Variants in ULBP3 observed in about 807,000 individuals in gnomAD.
The protein encoded by ULBP3 is UL16-binding protein 3.
Under a neutral mutation model 24.9 loss-of-function variants are expected in ULBP3, and 25 were observed. The ratio of observed to expected loss-of-function variants is 1.00; its 90% CI spans 0.73 to 1.40. ULBP3 has a LOEUF of 1.40. Ranked by LOEUF, ULBP3 falls within the 40% of genes most tolerant of loss-of-function variation. The pLI is 0.00. For missense variants in ULBP3, 306 were observed against 307.5 expected, an observed-to-expected ratio of 1.00 and a Z score of 0.04; for synonymous variants, 114 against 114.7, an observed-to-expected ratio of 0.99 and a Z score of 0.04.
intron 1 of ULBP3, among the ~76,000 whole-genome samples, chr6:150,068,672 A>C (rs1001644508): frequency 1.3e-5 from 2 of 152,140 alleles, no homozygotes; most frequent in Admixed American, 1.3e-4. Context: ...CTTCCCGAGG[A>C]CGAGTGGGGC....
rs911424400 is a variant in ULBP3 at position 150,061,304 on chromosome 6, C to T, written c.*2070G>A. Among the ~76,000 whole-genome samples the T allele has an allele frequency of 2.0e-5, 3 of 152,140 alleles. No individual in the cohort carries two copies. The highest frequency in any genetic ancestry group is 2.9e-5 in the Non-Finnish European group (2 of 68,018). Reference sequence around the variant, plus strand: ...TATTATAGATTAAAGGGTACACATACAGGTTTGTTACATGGGTAGATTTTG... The same window carrying T: ...TATTATAGATTAAAGGGTACACATATAGGTTTGTTACATGGGTAGATTTTG... On this transcript the variant is annotated 3_prime_UTR_variant, in exon 5 of 5. Transcript: ENST00000367339.
chr6:150,064,533 T>C, intron 4 of ULBP3, 52 bp downstream of exon 4: 1 of 1,529,400 alleles, frequency 6.5e-7, no homozygotes, highest in Non-Finnish European at 9.0e-7. Flanking sequence ...TTTCCCTTCC[T>C]CCCACCTCAC....
In ULBP3 at chr6:150,068,861, G is replaced by C. The variant is rs1776386520; in HGVS notation, c.88+118C>G. ...CAGCGAATCGGAACTGAGCGTGGGG[G>C]CAGTCCGGGGAGATCGCGCCGGTCC... On this transcript the variant is annotated intron_variant, in intron 1 of 4. Transcript: ENST00000367339. 3 of 1,054,554 alleles carry C rather than the reference G, an allele frequency of 2.8e-6. No individual in the cohort carries two copies. In the East Asian group the frequency reaches 8.5e-5, roughly 30 times the overall value. 65.3% of individuals were successfully genotyped at this position (1,054,554 alleles called of 1,614,324 possible). A position where few individuals can be genotyped will look rare whatever the true frequency, so the allele number is the denominator to read the frequency against.
intron 1 of ULBP3, 97 bp downstream of exon 1, chr6:150,068,882 G>A (rs767033693): frequency 2.3e-6 from 3 of 1,282,542 alleles, no homozygotes; most frequent in Non-Finnish European, 3.1e-6. Flanking sequence ...AGATCGCGCC[G>A]GTCCTTCTAG....
rs1776270058 is a variant in ULBP3, at chr6:150,061,142, T to G, written c.*2232A>C. Among the ~76,000 whole-genome samples, 1 of 152,222 alleles carries G rather than the reference T, an allele frequency of 6.6e-6. No individual in the cohort carries two copies. The highest frequency in any genetic ancestry group is 2.4e-5 in the African/African-American group (1 of 41,446). Reference sequence around the variant, plus strand: ...ATCATCATATACAACTTACGATTATTTTAAATGACTAGAGTTTAGTTTTTG... The same window carrying G: ...ATCATCATATACAACTTACGATTATGTTAAATGACTAGAGTTTAGTTTTTG... On this transcript the variant is annotated 3_prime_UTR_variant, in exon 5 of 5. Transcript: ENST00000367339.
chr6:150,068,705 C>G (rs1294571850), intron 1 of ULBP3, among the ~76,000 whole-genome samples: 2 of 152,184 alleles, frequency 1.3e-5, no homozygotes, highest in Admixed American at 1.3e-4. Flanking sequence ...CCAGGGATCC[C>G]CTCCCCACCT....
At position 150,065,940 on chromosome 6, in the gene ULBP3, A is replaced by G. The variant is rs1247315196; in HGVS notation, c.311T>C (p.Leu104Pro). ...MLREVGQRLR[L>P]ELADTELEDF... is the part of the protein sequence containing the mutation. ...CTCCAGCTCAGTGTCAGCCAGTTCCAGTCTGAGCCTCTGCCCCACCTCTCT... is the reference window on the plus strand; with the variant it reads ...CTCCAGCTCAGTGTCAGCCAGTTCCGGTCTGAGCCTCTGCCCCACCTCTCT... The change falls in exon 2 of 5, where the codon CTG (leucine) becomes CCG (proline). Residue 104 changes from leucine (L) to proline (P), a missense_variant. Physicochemically the swap from Leu to Pro is moderately conservative, Grantham distance 98. Coordinates refer to ENST00000367339, the MANE Select transcript of ULBP3 (RefSeq NM_024518.3). 6.2e-7 allele frequency: 1 copy of G among 1,614,072 alleles called. No homozygotes were observed. The highest frequency in any genetic ancestry group is 8.5e-7 in the Non-Finnish European group (1 of 1,180,040).
In ULBP3 at chr6:150,066,082, C is replaced by A; in HGVS notation, c.169G>T (p.Val57Leu). ...TAGGAGAGAAAATTCTTCTGATCCA[C>A]CTGGCTCTGGACCTCACACCACTGT... is the stretch of plus-strand genomic sequence containing the variant. ...GQQWCEVQSQVDQKNFLSYDC... is the reference protein window; with the variant it reads ...GQQWCEVQSQLDQKNFLSYDC... The change falls in exon 2 of 5, where the codon GTG (valine) becomes TTG (leucine). Residue 57 changes from valine to leucine, a missense_variant. Physicochemically the swap from Val to Leu is conservative, Grantham distance 32. Coordinates refer to ENST00000367339, the MANE Select transcript of ULBP3 (RefSeq NM_024518.3). 1 of 1,614,230 alleles carries A rather than the reference C, an allele frequency of 6.2e-7. No homozygotes were observed. Among genetic ancestry groups the A allele is most frequent in the Non-Finnish European group, 8.5e-7 (1 of 1,180,056 alleles).
chr6:150,067,992 T>G (rs73779782), intron 1 of ULBP3, among the ~76,000 whole-genome samples: 2,247 of 152,104 alleles, frequency 0.015, 58 homozygotes, highest in African/African-American at 0.052. Context: ...CATCACAGGG[T>G]GTGCTCCTCA....
In ULBP3 at chr6:150,065,524, G is replaced by T. The variant is rs35696295; in HGVS notation, c.502C>A (p.Arg168=). 1.4e-3 allele frequency: 2,218 copies of T among 1,614,066 alleles called. 26 individuals carry two copies. In the African/African-American group the frequency reaches 0.026, roughly 19 times the overall value. The change falls in exon 3 of 5, where the codon CGG becomes AGG. Residue 168 remains arginine, a synonymous_variant. Transcript: ENST00000367339. ...TCCTTCTCCCACTTCTCTTTCATCC[G>T]CCTGGCTCCAGCGTGAACCACTGTC... ...KWTVVHAGAR[R]MKEKWEKDSG... is the part of the protein sequence containing the mutation.
At chr6:150,068,395 G>A (rs143155690) in intron 1 of ULBP3, among the ~76,000 whole-genome samples, 14 of 152,306 alleles carry the variant, frequency 9.2e-5, no homozygotes, top group African/African-American at 2.4e-4. Flanking sequence ...CACAGCATGT[G>A]CCCTCATCTG....
At chr6:150,068,599 T>C (rs553870954) in intron 1 of ULBP3, among the ~76,000 whole-genome samples, 1 of 152,216 alleles carries the variant, frequency 6.6e-6, no homozygotes, top group Non-Finnish European at 1.5e-5. Flanking sequence ...GTGACTATTC[T>C]ATATGACGCT....
intron 1 of ULBP3, among the ~76,000 whole-genome samples, chr6:150,067,411 T>C (rs943730495): frequency 3.9e-5 from 6 of 152,282 alleles, no homozygotes. Flanking sequence ...GTGGACACAG[T>C]GTGTGATCCG....
chr6:150,067,369 A>C (rs967947290), intron 1 of ULBP3, among the ~76,000 whole-genome samples: 1 of 152,192 alleles, frequency 6.6e-6, no homozygotes, highest in East Asian at 1.9e-4. Flanking sequence ...GTAACTGTAC[A>C]CCATGAAACA....
chr6:150,067,056 C>A (rs1254518271), intron 1 of ULBP3, among the ~76,000 whole-genome samples: 5 of 152,064 alleles, frequency 3.3e-5, no homozygotes, highest in African/African-American at 1.2e-4. Flanking sequence ...AAAGCTATGC[C>A]CATGGCTCAT....
chr6:150,062,000 C>T lies in ULBP3; in HGVS notation c.*1374G>A, dbSNP rs1220488728. On this transcript the variant is annotated 3_prime_UTR_variant, in exon 5 of 5. Transcript: ENST00000367339. ...ATTAGTGATATTGAGCATTTTTTCA[C>T]GTTTGTTGGCCACTTGTATGTCTTC... 6.6e-5 allele frequency among the ~76,000 whole-genome samples: 10 copies of T among 152,126 alleles called. No homozygotes were observed. Among genetic ancestry groups the T allele is most frequent in the Admixed American group, 1.3e-4 (2 of 15,266 alleles).
intron 2 of ULBP3, 57 bp from the exon 3 acceptor site, chr6:150,065,730 ACAT>A: frequency 6.3e-7 from 1 of 1,598,934 alleles, no homozygotes; most frequent in Non-Finnish European, 8.5e-7. Flanking sequence ...TCCCTGTCCC[ACAT>A]CCTCCTATGC....
Position 150,061,788 on chromosome 6 carries a change from CT to C in ULBP3, c.*1585del, listed in dbSNP as rs1018029241. ...ATATCCCGAGTAGTGGGATTGCAGG[CT>C]TGAATGGTAGTTCTATTTTAAGTTC... On this transcript the variant is annotated 3_prime_UTR_variant, in exon 5 of 5. Transcript: ENST00000367339. Among the ~76,000 whole-genome samples the C allele has an allele frequency of 1.3e-5, 2 of 152,180 alleles. No homozygotes were observed. Among genetic ancestry groups the C allele is most frequent in the Non-Finnish European group, 2.9e-5 (2 of 68,042 alleles).
At position 150,065,700 on chromosome 6, in the gene ULBP3, C is replaced by G. The variant is rs763820344; in HGVS notation, c.353-27G>C. On this transcript the variant is annotated intron_variant, in intron 2 of 4. Coordinates refer to ENST00000367339, the MANE Select transcript of ULBP3 (RefSeq NM_024518.3). Reference sequence around the variant, plus strand: ...TGCCCCAATCAGAAAGAGATCAGCCCTGGTGTTTACAAATTCTCTTCCCTG... The same window carrying G: ...TGCCCCAATCAGAAAGAGATCAGCCGTGGTGTTTACAAATTCTCTTCCCTG... The G allele has an allele frequency of 1.9e-6, 3 of 1,611,156 alleles. No individual in the cohort carries two copies. In the East Asian group the frequency reaches 6.7e-5, roughly 36 times the overall value.
Sources: allele counts gnomAD v4.1 joint callset (sites outside exome capture counted in the v4.1 genomes callset), GRCh38; gene constraint gnomAD v4.1.1; transcripts MANE v1.5; gene names NCBI Gene and HGNC (gene_info 2026-07-23, HGNC 2026-07-21).